Variants in SLC8A1 observed in about 807,000 individuals in gnomAD.
SLC8A1 encodes sodium/calcium exchanger 1.
In SLC8A1, 18 loss-of-function variants were observed where a neutral mutation model predicts 68.3. The ratio of observed to expected loss-of-function variants is 0.26; its 90% CI spans 0.18 to 0.39. The LOEUF (loss-of-function observed/expected upper bound fraction) is 0.39, where lower values mean the gene tolerates loss of function less well. Among genes scored for constraint, SLC8A1 ranks in the 10% least tolerant of loss-of-function variants. The probability of loss-of-function intolerance (pLI) is 1.00; values close to 1 mark genes in which losing one functional copy is unlikely to be tolerated. For synonymous variants in SLC8A1, 475 were observed against 415.5 expected (o/e 1.14, Z -1.74); for missense variants, 985 against 1,156.7 (o/e 0.85, Z 2.15).
chr2:40,117,951 T>A (rs2125085093), intron 7 of SLC8A1, among the ~76,000 whole-genome samples: 1 of 152,340 alleles, frequency 6.6e-6, no homozygotes, highest in East Asian at 1.9e-4. Flanking sequence ...ACATTCTTCC[T>A]GAAAGGGAGT....
intron 7 of SLC8A1, among the ~76,000 whole-genome samples, chr2:40,118,071 C>T (rs1203707618): frequency 6.6e-6 from 1 of 152,186 alleles, no homozygotes; most frequent in African/African-American, 2.4e-5. Flanking sequence ...TTATTCCATG[C>T]TAGGCACTAT....
chr2:40,500,283 C>A (rs974315812), intron 1 of SLC8A1, among the ~76,000 whole-genome samples: 1 of 151,980 alleles, frequency 6.6e-6, no homozygotes, highest in African/African-American at 2.4e-5. Flanking sequence ...TGGACCATAC[C>A]TTTCTCATAT....
intron 1 of SLC8A1, among the ~76,000 whole-genome samples, chr2:40,481,561 C>A (rs1439084160): frequency 6.6e-6 from 1 of 152,150 alleles, no homozygotes; most frequent in Non-Finnish European, 1.5e-5. Flanking sequence ...CTTCTTCTTT[C>A]TCTGTAAGAA....
chr2:40,430,351 T>G (rs1698002902), intron 1 of SLC8A1, 47 bp from the exon 2 acceptor site: 1 of 1,504,944 alleles, frequency 6.6e-7, no homozygotes, highest in South Asian at 1.3e-5. Flanking sequence ...AGTCATGTCA[T>G]TAGAGCTGCA....
At chr2:40,142,429 TC>T (rs1202077527) in intron 6 of SLC8A1, among the ~76,000 whole-genome samples, 2 of 152,166 alleles carry the variant, frequency 1.3e-5, no homozygotes, top group Non-Finnish European at 2.9e-5. Context: ...TTATTTTGGA[TC>T]CTATCCTTTT....
intron 2 of SLC8A1, among the ~76,000 whole-genome samples, chr2:40,362,700 T>C (rs2149483658): frequency 6.6e-6 from 1 of 152,296 alleles, no homozygotes; most frequent in Admixed American, 6.5e-5. Context: ...GAATAAATTT[T>C]GGTAAGTTTA....
At position 40,275,157 on chromosome 2, in the gene SLC8A1, T is replaced by C. The variant is rs148772604; in HGVS notation, c.1809-97302A>G. On this transcript the variant is annotated intron_variant, in intron 2 of 7. Coordinates refer to ENST00000406785, the Ensembl canonical transcript of SLC8A1. ...TTATAATTGAGTTGAAGCTGTTGTA[T>C]TGCAGTTTTTATTATTATGGAACAA... is the stretch of plus-strand genomic sequence containing the variant. Among the ~76,000 whole-genome samples the C allele has an allele frequency of 6.5e-3, 996 of 152,340 alleles. 15 individuals are homozygous for C. Among genetic ancestry groups the C allele is most frequent in the African/African-American group, 0.022 (934 of 41,582 alleles).
At position 40,174,729 on chromosome 2, in the gene SLC8A1, A is replaced by G; in HGVS notation, c.1930+96T>C. The G allele has an allele frequency of 6.4e-7, 1 of 1,551,136 alleles. No homozygotes were observed. Among genetic ancestry groups the G allele is most frequent in the Non-Finnish European group, 8.8e-7 (1 of 1,130,298 alleles). ...ACCAAACAGGTATTTTCCTTCATTA[A>G]AAGCAAATAAAAATGAGAAATTTTT... On this transcript the variant is annotated intron_variant, in intron 4 of 7. Coordinates refer to ENST00000406785, the Ensembl canonical transcript of SLC8A1.
At chr2:40,160,571 G>A (rs890082614) in intron 6 of SLC8A1, among the ~76,000 whole-genome samples, 194 bp downstream of exon 9, 2 of 152,182 alleles carry the variant, frequency 1.3e-5, no homozygotes, top group African/African-American at 4.8e-5. Flanking sequence ...AATGTCATGT[G>A]TGAAGACATT....
chr2:40,171,383 G>T (rs781486635), intron 4 of SLC8A1, among the ~76,000 whole-genome samples: 2 of 152,162 alleles, frequency 1.3e-5, no homozygotes. Context: ...TTTAATTAGA[G>T]AACTCTATAT....
At chr2:40,381,591 C>G (rs1254493408) in intron 2 of SLC8A1, among the ~76,000 whole-genome samples, 1 of 151,998 alleles carries the variant, frequency 6.6e-6, no homozygotes, top group Non-Finnish European at 1.5e-5. Flanking sequence ...GTCAAAACTT[C>G]CTTCATGATC....
chr2:40,405,398 T>G (rs1038598242), intron 2 of SLC8A1, among the ~76,000 whole-genome samples: 1 of 152,182 alleles, frequency 6.6e-6, no homozygotes, highest in Non-Finnish European at 1.5e-5. Flanking sequence ...TCAAGAAAAG[T>G]GCATGAATGT....
intron 2 of SLC8A1, among the ~76,000 whole-genome samples, chr2:40,313,538 G>A (rs541246594): frequency 3.3e-5 from 5 of 151,854 alleles, no homozygotes; most frequent in Non-Finnish European, 7.4e-5. Flanking sequence ...TTGAGTTTGG[G>A]TTCCTCCATG....
At chr2:40,167,036 A>C (rs1226118330) in intron 4 of SLC8A1, among the ~76,000 whole-genome samples, 2 of 152,248 alleles carry the variant, frequency 1.3e-5, no homozygotes, top group Non-Finnish European at 2.9e-5. Flanking sequence ...ATTACAAAAC[A>C]AAGCTGATGT....
chr2:40,351,268 A>G (rs1034291499), intron 2 of SLC8A1, among the ~76,000 whole-genome samples: 27 of 152,158 alleles, frequency 1.8e-4, no homozygotes, highest in African/African-American at 6.5e-4. Context: ...ATGAACAAAT[A>G]CTACAGATTT....
chr2:40,298,197 A>C (rs1303277082), intron 2 of SLC8A1, among the ~76,000 whole-genome samples: 1 of 152,074 alleles, frequency 6.6e-6, no homozygotes, highest in Non-Finnish European at 1.5e-5. Context: ...ATCCTAAAAA[A>C]CCCCAGTGTT....
At chr2:40,419,983 G>A (rs1318717605) in intron 2 of SLC8A1, among the ~76,000 whole-genome samples, 1 of 152,100 alleles carries the variant, frequency 6.6e-6, no homozygotes, top group Non-Finnish European at 1.5e-5. Flanking sequence ...ATTTGTTATA[G>A]AAACACCTGA....
intron 2 of SLC8A1, among the ~76,000 whole-genome samples, chr2:40,426,699 C>A (rs1278558188): frequency 6.6e-6 from 1 of 151,868 alleles, no homozygotes; most frequent in Non-Finnish European, 1.5e-5. Context: ...AAACAAAACA[C>A]AGATTTAAGT....
At chr2:40,146,050 G>A (rs1326588501) in intron 6 of SLC8A1, among the ~76,000 whole-genome samples, 1 of 152,166 alleles carries the variant, frequency 6.6e-6, no homozygotes, top group East Asian at 1.9e-4. Flanking sequence ...ATTCTCTGAT[G>A]CAAAGTAGAT....
Sources: allele counts gnomAD v4.1 joint callset (sites outside exome capture counted in the v4.1 genomes callset), GRCh38; gene constraint gnomAD v4.1.1; transcripts MANE v1.5; gene names NCBI Gene and HGNC (gene_info 2026-07-23, HGNC 2026-07-21).